The following CSMD1 variants were observed in gnomAD, a reference collection of about 807,000 sequenced individuals.
CSMD1 encodes the protein CUB and sushi domain-containing protein 1.
In CSMD1, 213 loss-of-function variants were observed where a neutral mutation model predicts 417.5. The ratio of observed to expected loss-of-function variants is 0.51; its 90% CI spans 0.46 to 0.57. The LOEUF is 0.57. Ranked by LOEUF, CSMD1 falls within the 20% of genes least tolerant of loss-of-function variation. CSMD1 has a pLI of 0.00. For missense variants in CSMD1, 6,923 were observed against 4,529.7 expected (o/e 1.53, Z -15.17); for synonymous variants, 2,862 against 1,736.8 (o/e 1.65, Z -16.11).
intron 2 of CSMD1, among the ~76,000 whole-genome samples, chr8:4,594,217 T>TTTTTTTTTC (rs1800141426): frequency 2.7e-5 from 4 of 146,556 alleles, no homozygotes; most frequent in East Asian, 2.0e-4. Flanking sequence ...TTTTTTTTTT[T>TTTTTTTTTC]CTCTGAGACG....
intron 3 of CSMD1, among the ~76,000 whole-genome samples, chr8:4,290,605 C>G (rs897242428): frequency 6.6e-6 from 1 of 152,186 alleles, no homozygotes; most frequent in Non-Finnish European, 1.5e-5. Flanking sequence ...TTACCAAGGA[C>G]AGGTAGATGC....
intron 3 of CSMD1, among the ~76,000 whole-genome samples, chr8:4,099,286 C>A (rs559261030): frequency 5.3e-5 from 8 of 152,118 alleles, no homozygotes; most frequent in Admixed American, 3.3e-4. Flanking sequence ...TCGCCTCTAT[C>A]CTTATTATCT....
At chr8:3,523,631 C>G (rs569669545) in intron 10 of CSMD1, among the ~76,000 whole-genome samples, 2 of 147,884 alleles carry the variant, frequency 1.4e-5, no homozygotes, top group Non-Finnish European at 3.0e-5. Flanking sequence ...GCATGCACAC[C>G]GAGACACGTG....
chr8:4,297,601 G>A (rs902963685), intron 3 of CSMD1, among the ~76,000 whole-genome samples: 1 of 152,068 alleles, frequency 6.6e-6, no homozygotes, highest in African/African-American at 2.4e-5. Context: ...ATTCCTGTAA[G>A]GCTAAGATAG....
At chr8:4,701,317 CT>C (rs5889050) in intron 1 of CSMD1, among the ~76,000 whole-genome samples, 147 of 143,104 alleles carry the variant, frequency 1.0e-3, no homozygotes, top group Non-Finnish European at 1.2e-3. Context: ...TCCTTTGATG[CT>C]TTTTTTTTTT....
intron 3 of CSMD1, among the ~76,000 whole-genome samples, chr8:4,248,326 A>C (rs1490019494): frequency 6.6e-6 from 1 of 152,170 alleles, no homozygotes; most frequent in Non-Finnish European, 1.5e-5. Context: ...TCAATGCATG[A>C]AAGTTTCTCC....
intron 1 of CSMD1, among the ~76,000 whole-genome samples, chr8:4,650,019 T>A (rs1803784062): frequency 6.6e-6 from 1 of 152,110 alleles, no homozygotes; most frequent in South Asian, 2.1e-4. Flanking sequence ...ATATTAGAAT[T>A]TATCATGTCT....
Position 4,524,426 on chromosome 8 carries a change from C to G in CSMD1, c.303-104361G>C, listed in dbSNP as rs188019236. On this transcript the variant is annotated intron_variant, in intron 2 of 69. Coordinates refer to ENST00000635120, the MANE Select transcript of CSMD1 (RefSeq NM_033225.6). The stretch of plus-strand genomic sequence containing the variant: ...ACTAGTATTCAAGAGTTGATTTCTG[C>G]ACAGATAGTAGGTGATGCTTGTGGC... 9.4e-4 allele frequency among the ~76,000 whole-genome samples: 143 copies of G among 152,206 alleles called. 1 individual carries two copies. Among genetic ancestry groups the G allele is most frequent in the African/African-American group, 3.4e-3 (143 of 41,538 alleles).
intron 3 of CSMD1, among the ~76,000 whole-genome samples, chr8:4,287,091 A>G (rs966426966): frequency 1.3e-5 from 2 of 152,226 alleles, no homozygotes; most frequent in Admixed American, 6.5e-5. Context: ...AAGAGTTTCA[A>G]TCTACTTCAC....
At chr8:3,877,127 C>T (rs2975352) in intron 5 of CSMD1, among the ~76,000 whole-genome samples, 5,086 of 152,222 alleles carry the variant, frequency 0.033, 286 homozygotes, top group African/African-American at 0.12. Context: ...GTGAAGCAGG[C>T]GAATTTTGCA....
intron 10 of CSMD1, among the ~76,000 whole-genome samples, chr8:3,564,517 T>TTGTGTGTGTG (rs34665230): frequency 0.11 from 15,469 of 145,344 alleles, 919 homozygotes; most frequent in African/African-American, 0.14. Flanking sequence ...CACAGTATAT[T>TTGTGTGTGTG]TGTGTGTGTG....
chr8:3,585,643 A>C (rs972509182), intron 9 of CSMD1, among the ~76,000 whole-genome samples: 3 of 152,172 alleles, frequency 2.0e-5, no homozygotes, highest in Non-Finnish European at 2.9e-5. Flanking sequence ...TGAATATTTT[A>C]CTCTGCTAAC....
intron 5 of CSMD1, among the ~76,000 whole-genome samples, chr8:3,856,183 C>T (rs577947396): frequency 3.3e-5 from 5 of 151,940 alleles, no homozygotes; most frequent in Admixed American, 1.3e-4. Context: ...TAGCACCATC[C>T]TCCCAGTGCT....
intron 5 of CSMD1, among the ~76,000 whole-genome samples, chr8:3,772,508 C>T (rs188184896): frequency 0.065 from 427 of 6,610 alleles, 33 homozygotes; most frequent in Middle Eastern, 0.25. Context: ...CATATATACA[C>T]ATATATACAT....
intron 7 of CSMD1, among the ~76,000 whole-genome samples, chr8:3,643,152 G>A (rs538929022): frequency 6.6e-6 from 1 of 151,972 alleles, no homozygotes; most frequent in Non-Finnish European, 1.5e-5. Flanking sequence ...CATGTGTAAA[G>A]ATATTATAAG....
intron 21 of CSMD1, among the ~76,000 whole-genome samples, chr8:3,348,670 C>A (rs542208047): frequency 6.6e-6 from 1 of 152,234 alleles, no homozygotes; most frequent in East Asian, 1.9e-4. Context: ...CAGGATGTCA[C>A]ATCCCTGAAT....
At chr8:3,604,889 G>A (rs1346704594) in intron 8 of CSMD1, among the ~76,000 whole-genome samples, 8 of 152,152 alleles carry the variant, frequency 5.3e-5, no homozygotes, top group Non-Finnish European at 7.3e-5. Context: ...GTGTTCACCT[G>A]CTTTTGGGCT....
At chr8:3,128,645 A>C (rs1203812008) in intron 41 of CSMD1, 1 of 307,384 alleles carries the variant, frequency 3.3e-6, no homozygotes, top group African/African-American at 2.2e-5. Context: ...AACACTGACA[A>C]ACTATCTAAT....
At chr8:4,588,450 T>A (rs908301191) in intron 2 of CSMD1, among the ~76,000 whole-genome samples, 3 of 151,522 alleles carry the variant, frequency 2.0e-5, no homozygotes, top group African/African-American at 7.3e-5. Context: ...CAGTCTGTCC[T>A]CTCTGCACTG....
Sources: allele counts gnomAD v4.1 joint callset (sites outside exome capture counted in the v4.1 genomes callset), GRCh38; gene constraint gnomAD v4.1.1; transcripts MANE v1.5; gene names NCBI Gene and HGNC (gene_info 2026-07-23, HGNC 2026-07-21).